TRABD2A: variants seen among roughly 807,000 people sequenced by gnomAD.
The protein encoded by TRABD2A is TraB domain containing 2A.
Under a neutral mutation model 45.6 loss-of-function variants are expected in TRABD2A, and 43 were observed. That is an observed-to-expected ratio of 0.94 (90% CI 0.74 to 1.22). The LOEUF is 1.22. Among genes scored for constraint, TRABD2A ranks in the 50% most tolerant of loss-of-function variants. The pLI is 0.00. For missense variants in TRABD2A, 642 were observed against 652.4 expected (o/e 0.98, Z 0.17); for synonymous variants, 269 against 265.0 (o/e 1.02, Z -0.15).
intron 5 of TRABD2A, among the ~76,000 whole-genome samples, chr2:84,826,154 A>C (rs533634010): frequency 6.6e-6 from 1 of 152,314 alleles, no homozygotes; most frequent in South Asian, 2.1e-4. Context: ...ACTCAAGAAA[A>C]GTCTGTTGCT....
At position 84,870,367 on chromosome 2, in the gene TRABD2A, G is replaced by A. The variant is rs1238239433; in HGVS notation, c.527C>T (p.Thr176Ile). ...VWVMLMVNSL[T>I]EVDIKSRGVP... Reference sequence around the variant, plus strand: ...TCCACGGGACTTAATGTCCACTTCAGTCAGGGAGTTGACCATGAGCATCAC... The same window carrying A: ...TCCACGGGACTTAATGTCCACTTCAATCAGGGAGTTGACCATGAGCATCAC... The change falls in exon 2 of 7, where the codon ACT becomes ATT. Residue 176 changes from threonine to isoleucine, a missense_variant. By Grantham distance (89) the Thr-to-Ile change is moderately conservative. Coordinates refer to ENST00000409520, the MANE Select transcript of TRABD2A (RefSeq NM_001277053.2). The A allele has an allele frequency of 5.6e-6, 9 of 1,613,928 alleles. No homozygotes were observed. The highest frequency in any genetic ancestry group is 7.6e-6 in the Non-Finnish European group (9 of 1,179,912).
At chr2:84,846,459 G>A (rs569183686) in intron 2 of TRABD2A, among the ~76,000 whole-genome samples, 11 of 152,234 alleles carry the variant, frequency 7.2e-5, no homozygotes, top group East Asian at 3.9e-4. Context: ...ACAGTGCCTC[G>A]AGAGACCAGC....
chr2:84,832,093 A>AT lies in TRABD2A; in HGVS notation c.1043dup (p.Tyr348Ter). 6 of 1,613,942 alleles carry AT rather than the reference A, an allele frequency of 3.7e-6. No individual in the cohort carries two copies. Among genetic ancestry groups the AT allele is most frequent in the Non-Finnish European group, 5.1e-6 (6 of 1,179,878 alleles). The change falls in exon 5 of 7, where the codon TAT (tyrosine) becomes TAAT (stop). Residue 348 changes from tyrosine to a stop codon, truncating the protein, a stop_gained and frameshift_variant. Coordinates refer to ENST00000409520, the MANE Select transcript of TRABD2A (RefSeq NM_001277053.2). LOFTEE classifies it high-confidence loss of function. Reference protein sequence around the residue: ...TVLDVLRREGYEVEHAPAGRP... With the variant: ...TVLDVLRREG ...GTCCAGCAGGGGCGTGTTCTACCTCATAGCCTTCACGCCGCAAAACATCCA... is the reference window on the plus strand; with the variant it reads ...GTCCAGCAGGGGCGTGTTCTACCTCATTAGCCTTCACGCCGCAAAACATCCA...
Position 84,870,556 on chromosome 2 carries a change from T to C in TRABD2A, c.338A>G (p.Asp113Gly). The part of the protein sequence containing the change: ...QMLPQGENLQ[D>G]VLPRDIYCRL... Reference sequence around the variant, plus strand: ...GCAGTAGATGTCCCTGGGGAGCACATCTTGGAGGTTCTCGCCCTGTGGCAG... The same window carrying C: ...GCAGTAGATGTCCCTGGGGAGCACACCTTGGAGGTTCTCGCCCTGTGGCAG... The change falls in exon 2 of 7, where the codon GAT becomes GGT. Residue 113 changes from aspartate to glycine, a missense_variant. Transcript: ENST00000409520. 6.2e-7 allele frequency: 1 copy of C among 1,613,910 alleles called. No individual in the cohort carries two copies.
chr2:84,861,600 G>C (rs1332603680), intron 2 of TRABD2A, among the ~76,000 whole-genome samples: 1 of 152,156 alleles, frequency 6.6e-6, no homozygotes, highest in Non-Finnish European at 1.5e-5. Context: ...GTGGTGATTG[G>C]GGACCCCTGC....
At chr2:84,841,726 C>T (rs1681715763) in intron 3 of TRABD2A, 135 bp downstream of exon 3, 2 of 993,380 alleles carry the variant, frequency 2.0e-6, no homozygotes, top group South Asian at 6.1e-5. Flanking sequence ...TCAATGACAT[C>T]TAAATCTGCC....
At chr2:84,839,358 C>T (rs1321671931) in intron 3 of TRABD2A, 35 bp from the exon 4 acceptor site, 1 of 1,547,366 alleles carries the variant, frequency 6.5e-7, no homozygotes, top group Non-Finnish European at 8.7e-7. Flanking sequence ...AAATAAGGGG[C>T]AACAGAGTTA....
In TRABD2A at chr2:84,851,876, G is replaced by T. The variant is rs1432480271; in HGVS notation, c.670-9869C>A. 2.0e-5 allele frequency among the ~76,000 whole-genome samples: 3 copies of T among 152,216 alleles called. No homozygotes were observed. The East Asian group carries it at 5.8e-4, about 29-fold the overall frequency. On this transcript the variant is annotated intron_variant, in intron 2 of 6. Coordinates refer to ENST00000409520, the MANE Select transcript of TRABD2A (RefSeq NM_001277053.2). ...CTACATTGAATGGAAGATTGGATTT[G>T]ATGACCTCAAATGTAATTACATTTA...
rs1451330774 is a variant in TRABD2A at position 84,838,250 on chromosome 2, A to C, written c.991+899T>G. On this transcript the variant is annotated intron_variant, in intron 4 of 6. Transcript: ENST00000409520. ...TCAAGGCTACTGTGAAGCTGGGAAA[A>C]GGGAGATAAAAACAGAACAAGTTAA... 4.2e-6 allele frequency: 3 copies of C among 717,348 alleles called. No individual in the cohort carries two copies. The East Asian group carries it at 8.0e-5, about 19-fold the overall frequency. The allele number at this position is 717,348 out of a possible 1,614,324, so 44.4% of individuals were successfully genotyped here.
intron 4 of TRABD2A, chr2:84,838,263 CAG>C (rs754853486): frequency 2.4e-5 from 17 of 717,058 alleles, no homozygotes; most frequent in Non-Finnish European, 3.9e-5. Flanking sequence ...GAGATAAAAA[CAG>C]AACAAGTTAA....
At chr2:84,862,616 GT>G (rs200155031) in intron 2 of TRABD2A, among the ~76,000 whole-genome samples, 6 of 151,974 alleles carry the variant, frequency 3.9e-5, no homozygotes, top group Non-Finnish European at 8.8e-5. Context: ...CCTATTCTTG[GT>G]TTTTTTTAAG....
intron 2 of TRABD2A, among the ~76,000 whole-genome samples, chr2:84,842,335 G>A (rs952052979): frequency 2.6e-5 from 4 of 152,168 alleles, no homozygotes; most frequent in Non-Finnish European, 5.9e-5. Context: ...GTGGGGCAGC[G>A]AGAGGGCTGG....
chr2:84,838,052 G>A lies in TRABD2A; in HGVS notation c.991+1097C>T, dbSNP rs1681581866. The stretch of plus-strand genomic sequence containing the variant: ...TTCACACAGAGCAAGCTCTGAGTCA[G>A]GTCAAATGAAGACAAGCTTGGGAAT... On this transcript the variant is annotated intron_variant, in intron 4 of 6. Coordinates refer to ENST00000409520, the MANE Select transcript of TRABD2A (RefSeq NM_001277053.2). The A allele has an allele frequency of 5.1e-6, 3 of 584,182 alleles. No individual in the cohort carries two copies. The South Asian group carries it at 6.9e-5, about 13-fold the overall frequency. 36.2% of individuals were successfully genotyped at this position (584,182 alleles called of 1,614,324 possible).
chr2:84,860,263 C>G (rs1682454720), intron 2 of TRABD2A, among the ~76,000 whole-genome samples: 1 of 152,164 alleles, frequency 6.6e-6, no homozygotes, highest in African/African-American at 2.4e-5. Flanking sequence ...TGCCCAAGTC[C>G]TAACCATCCA....
intron 2 of TRABD2A, among the ~76,000 whole-genome samples, chr2:84,845,380 G>A (rs1573931048): frequency 6.6e-6 from 1 of 152,072 alleles, no homozygotes; most frequent in East Asian, 1.9e-4. Flanking sequence ...ATGACTACTG[G>A]AGAGTTTTGT....
chr2:84,872,285 G>A (rs951380118), intron 1 of TRABD2A, among the ~76,000 whole-genome samples: 14 of 152,196 alleles, frequency 9.2e-5, no homozygotes, highest in Non-Finnish European at 1.5e-5. Flanking sequence ...GAGGCAGGCA[G>A]ATCACTTGAG....
Position 84,823,972 on chromosome 2 carries a change from A to G in TRABD2A, c.1315T>C (p.Trp439Arg), listed in dbSNP as rs1417138142. The change falls in exon 6 of 7, where the codon TGG becomes CGG. Residue 439 changes from tryptophan to arginine, a missense_variant. By Grantham distance (101) the Trp-to-Arg change is moderately radical. Transcript: ENST00000409520. ...RPRLRQFSDLWVRLEESDIVP... is the reference protein window; with the variant it reads ...RPRLRQFSDLRVRLEESDIVP... The stretch of plus-strand genomic sequence containing the variant: ...CCTGACCTCTCCTCCAGGCGGACCC[A>G]CAGATCGCTGAATTGCCGGAGTCGC... 1 of 1,613,884 alleles carries G rather than the reference A, an allele frequency of 6.2e-7. No individual in the cohort carries two copies.
chr2:84,873,398 C>T (rs1173331230), intron 1 of TRABD2A, among the ~76,000 whole-genome samples: 1 of 151,650 alleles, frequency 6.6e-6, no homozygotes, highest in African/African-American at 2.4e-5. Flanking sequence ...CCAGCCTGGG[C>T]AACAGAGCAA....
intron 4 of TRABD2A, chr2:84,834,480 C>A (rs138398949): frequency 6.6e-6 from 1 of 152,222 alleles, no homozygotes; most frequent in Non-Finnish European, 1.5e-5. Flanking sequence ...GTATGCCAGT[C>A]GGTGATTTTT....
Sources: gnomAD v4.1 joint callset for allele counts (sites outside exome capture counted in the v4.1 genomes callset) on GRCh38, gnomAD v4.1.1 for gene constraint, MANE v1.5 for transcripts, NCBI Gene and HGNC (gene_info 2026-07-23, HGNC 2026-07-21) for gene names.